The following UNC5D variants were observed in gnomAD, a reference collection of about 807,000 sequenced individuals.
The protein encoded by UNC5D is netrin receptor UNC5D.
A neutral mutation model predicts 105.4 loss-of-function variants in UNC5D; 39 were observed. That is an observed-to-expected ratio of 0.37 (90% CI 0.29 to 0.48). UNC5D has a LOEUF of 0.48. UNC5D is among the 20% of genes least tolerant of loss of function. The pLI, the probability that UNC5D is intolerant of heterozygous loss-of-function variation, is 0.98. For synonymous variants in UNC5D, 452 were observed against 450.4 expected (o/e 1.00, Z -0.04); for missense variants, 991 against 1,202.4 (o/e 0.82, Z 2.60).
intron 1 of UNC5D, among the ~76,000 whole-genome samples, chr8:35,540,709 G>T (rs187516966): frequency 1.3e-5 from 2 of 152,120 alleles, no homozygotes. Context: ...ATCATAACTG[G>T]TGTAGAATCT....
chr8:35,240,170 G>C (rs1802717577), intron 1 of UNC5D, among the ~76,000 whole-genome samples: 1 of 152,042 alleles, frequency 6.6e-6, no homozygotes, highest in Non-Finnish European at 1.5e-5. Context: ...GGTTGGTCTT[G>C]AACTCCTGGG....
intron 7 of UNC5D, among the ~76,000 whole-genome samples, chr8:35,698,632 T>C (rs574113175): frequency 6.6e-6 from 1 of 152,318 alleles, no homozygotes; most frequent in Non-Finnish European, 1.5e-5. Flanking sequence ...TGTTTGTATA[T>C]ACTACATTTT....
intron 3 of UNC5D, among the ~76,000 whole-genome samples, chr8:35,590,766 A>G (rs570490476): frequency 6.6e-6 from 1 of 152,142 alleles, no homozygotes; most frequent in Non-Finnish European, 1.5e-5. Context: ...CATTGAGGAT[A>G]CTTACTGAGT....
intron 1 of UNC5D, among the ~76,000 whole-genome samples, chr8:35,366,508 G>T (rs1802134455): frequency 6.6e-6 from 1 of 151,920 alleles, no homozygotes; most frequent in African/African-American, 2.4e-5. Context: ...TATTTGTTTT[G>T]TCAGCTCATC....
chr8:35,723,671 C>G (rs1015331543), intron 9 of UNC5D, among the ~76,000 whole-genome samples: 4 of 152,076 alleles, frequency 2.6e-5, no homozygotes, highest in African/African-American at 9.7e-5. Context: ...TCTGAAAGTG[C>G]TGGGATTATA....
At chr8:35,363,056 C>G (rs1315414759) in intron 1 of UNC5D, among the ~76,000 whole-genome samples, 1 of 152,090 alleles carries the variant, frequency 6.6e-6, no homozygotes, top group African/African-American at 2.4e-5. Context: ...CAATTTGGAA[C>G]AGTTTCTTCA....
rs1012758222 is a variant in UNC5D, at chr8:35,409,880, C to G, written c.104-139412C>G. Reference sequence around the variant, plus strand: ...TACATTTTATACTTAAGTCAGCAGTCCATTTTGAGTCAGTTTTGTATAAAT... The same window carrying G: ...TACATTTTATACTTAAGTCAGCAGTGCATTTTGAGTCAGTTTTGTATAAAT... On this transcript the variant is annotated intron_variant, in intron 1 of 16. Coordinates refer to ENST00000404895, the MANE Select transcript of UNC5D (RefSeq NM_080872.4). Among the ~76,000 whole-genome samples, 3 of 151,376 alleles carry G rather than the reference C, an allele frequency of 2.0e-5. No homozygotes were observed. The East Asian group carries it at 5.8e-4, about 29-fold the overall frequency.
intron 1 of UNC5D, among the ~76,000 whole-genome samples, chr8:35,466,418 A>T (rs1269964533): frequency 6.6e-6 from 1 of 152,150 alleles, no homozygotes; most frequent in Non-Finnish European, 1.5e-5. Flanking sequence ...TCCAGGAAGT[A>T]GGATTTATAT....
chr8:35,605,739 C>T (rs1389662202), intron 4 of UNC5D, among the ~76,000 whole-genome samples: 1 of 152,150 alleles, frequency 6.6e-6, no homozygotes, highest in East Asian at 1.9e-4. Flanking sequence ...AGTTCTACAA[C>T]TAAAGAAATA....
chr8:35,603,272 C>G (rs914499709), intron 4 of UNC5D, among the ~76,000 whole-genome samples: 3 of 152,106 alleles, frequency 2.0e-5, no homozygotes, highest in Admixed American at 2.0e-4. Context: ...CAAAGAACAT[C>G]TTTATTTCTG....
intron 1 of UNC5D, among the ~76,000 whole-genome samples, chr8:35,388,793 A>G (rs1196508643): frequency 2.6e-5 from 4 of 152,160 alleles, no homozygotes; most frequent in Non-Finnish European, 5.9e-5. Flanking sequence ...TCTTTGGCTT[A>G]TTTGTCTGAT....
chr8:35,637,167 T>C (rs1822431754), intron 4 of UNC5D, among the ~76,000 whole-genome samples: 1 of 152,220 alleles, frequency 6.6e-6, no homozygotes, highest in Admixed American at 6.5e-5. Flanking sequence ...ACATTGTTTC[T>C]GTGTAAAGCC....
chr8:35,359,261 A>G (rs1312155354), intron 1 of UNC5D, among the ~76,000 whole-genome samples: 1 of 152,240 alleles, frequency 6.6e-6, no homozygotes, highest in South Asian at 2.1e-4. Context: ...ACACTTAGCA[A>G]AGATCTGGCC....
At chr8:35,790,211 C>A in intron 16 of UNC5D, 148 bp from the exon 17 acceptor site, 1 of 769,452 alleles carries the variant, frequency 1.3e-6, no homozygotes, top group East Asian at 2.7e-5. Context: ...ACAAATTAGA[C>A]TGCCCCAGAC....
chr8:35,753,158 T>G (rs1830362343), intron 13 of UNC5D, among the ~76,000 whole-genome samples: 1 of 152,228 alleles, frequency 6.6e-6, no homozygotes, highest in Non-Finnish European at 1.5e-5. Context: ...CCATAGCTTT[T>G]CAAACCATTA....
chr8:35,320,484 G>A (rs1809655621), intron 1 of UNC5D, among the ~76,000 whole-genome samples: 1 of 152,110 alleles, frequency 6.6e-6, no homozygotes, highest in Non-Finnish European at 1.5e-5. Context: ...CCTGGGAAAG[G>A]AAGGGGATCT....
intron 1 of UNC5D, among the ~76,000 whole-genome samples, chr8:35,538,438 T>G (rs1464371792): frequency 8.0e-6 from 1 of 125,408 alleles, no homozygotes; most frequent in African/African-American, 3.0e-5. Flanking sequence ...TATATATATA[T>G]ATGAATTTTA....
chr8:35,767,787 A>G (rs540007217), intron 15 of UNC5D, among the ~76,000 whole-genome samples: 1 of 152,298 alleles, frequency 6.6e-6, no homozygotes, highest in East Asian at 1.9e-4. Flanking sequence ...GCAAAAAGAC[A>G]TCTGATTTCC....
At chr8:35,378,152 C>A (rs74745527) in intron 1 of UNC5D, among the ~76,000 whole-genome samples, 3 of 152,156 alleles carry the variant, frequency 2.0e-5, no homozygotes, top group African/African-American at 7.2e-5. Flanking sequence ...TTCCTGACTG[C>A]GATCCCCTAT....
Sources: gnomAD v4.1 joint callset for allele counts (sites outside exome capture counted in the v4.1 genomes callset) on GRCh38, gnomAD v4.1.1 for gene constraint, MANE v1.5 for transcripts, NCBI Gene and HGNC (gene_info 2026-07-23, HGNC 2026-07-21) for gene names.